CCDC66: variants seen among roughly 807,000 people sequenced by gnomAD.
CCDC66 encodes the protein coiled-coil domain containing 66, also known as coiled-coil domain-containing protein 66.
Under a neutral mutation model 128.3 loss-of-function variants are expected in CCDC66, and 133 were observed. The observed-to-expected ratio is 1.04, with a 90% CI of 0.90 to 1.20. CCDC66 has a LOEUF of 1.20. Ranked by LOEUF, CCDC66 falls within the 50% of genes most tolerant of loss-of-function variation. The pLI is 0.00. For synonymous variants in CCDC66, 387 were observed against 357.0 expected (o/e 1.08, Z -0.95); for missense variants, 1,126 against 1,075.5 (o/e 1.05, Z -0.66).
Position 56,563,700 on chromosome 3 carries a change from A to G in CCDC66, c.119A>G (p.Lys40Arg). 1 of 1,549,500 alleles carries G rather than the reference A, an allele frequency of 6.5e-7. No individual in the cohort carries two copies. The highest frequency in any genetic ancestry group is 2.4e-5 in the East Asian group (1 of 40,846). Residue 40 changes from lysine (K) to arginine (R), a missense_variant, in exon 4 of 18, where the codon AAG becomes AGG. Coordinates refer to ENST00000394672, the MANE Select transcript of CCDC66 (RefSeq NM_001141947.3). ...TTTTAACAGATGGGAAATAAGGCCA[A>G]GATTGCAAAATGTCCTTTAAGAACA... Reference protein sequence around the residue: ...KISVKMGNKAKIAKCPLRTKT... With the variant: ...KISVKMGNKARIAKCPLRTKT...
intron 6 of CCDC66, chr3:56,569,278 GA>G: frequency 3.5e-6 from 1 of 287,280 alleles, no homozygotes; most frequent in Non-Finnish European, 7.5e-6. Flanking sequence ...ACCTGAGACT[GA>G]ATAATTGATA....
In CCDC66 at chr3:56,618,337, C is replaced by T; in HGVS notation, c.2378+125C>T. The T allele has an allele frequency of 5.8e-6, 5 of 866,078 alleles. No individual in the cohort carries two copies. The Admixed American group carries it at 1.1e-4, about 19-fold the overall frequency. 53.6% of individuals were successfully genotyped at this position (866,078 alleles called of 1,614,324 possible). ...GAACAATCAGAAAGGGTGTGGCTTC[C>T]AGGTGAGGGTTAGAGGTTTAAGGGA... On this transcript the variant is annotated intron_variant, in intron 15 of 17. Transcript: ENST00000394672.
At position 56,578,465 on chromosome 3, in the gene CCDC66, G is replaced by C. The variant is rs1423672466; in HGVS notation, c.936+7163G>C. 2.6e-5 allele frequency among the ~76,000 whole-genome samples: 4 copies of C among 151,800 alleles called. 1 individual carries two copies. The Admixed American group carries it at 2.7e-4, about 10-fold the overall frequency. On this transcript the variant is annotated intron_variant, in intron 7 of 17. Transcript: ENST00000394672. Reference sequence around the variant, plus strand: ...ACTATGTTGAATAGGAGTGGAGAGAGAGGGCATCCTTGTTTTATGCCGTTT... The same window carrying C: ...ACTATGTTGAATAGGAGTGGAGAGACAGGGCATCCTTGTTTTATGCCGTTT...
intron 7 of CCDC66, 73 bp from the exon 8 acceptor site, chr3:56,592,897 G>A: frequency 1.3e-6 from 2 of 1,506,822 alleles, no homozygotes; most frequent in South Asian, 2.5e-5. Flanking sequence ...TGTTACTTTG[G>A]CAAGATTTGC....
At position 56,566,753 on chromosome 3, in the gene CCDC66, T is replaced by C; in HGVS notation, c.704T>C (p.Ile235Thr). Residue 235 changes from isoleucine to threonine, a missense_variant, in exon 5 of 18, where the codon ATT becomes ACT. Transcript: ENST00000394672. ...QETSKQCEQK[I>T]AIENEWKPAD... ...ACATCTAAACAGTGTGAGCAAAAAATTGCCATGTATGTAACTCCTATCTGT... is the reference window on the plus strand; with the variant it reads ...ACATCTAAACAGTGTGAGCAAAAAACTGCCATGTATGTAACTCCTATCTGT... 1 of 1,609,664 alleles carries C rather than the reference T, an allele frequency of 6.2e-7. No homozygotes were observed. Among genetic ancestry groups the C allele is most frequent in the Non-Finnish European group, 8.5e-7 (1 of 1,177,828 alleles).
At chr3:56,570,302 A>G (rs2066451783) in intron 6 of CCDC66, 2 of 152,210 alleles carry the variant, frequency 1.3e-5, no homozygotes, top group Admixed American at 6.5e-5. Context: ...AGTTTTGACT[A>G]TATCTCTCAG....
intron 7 of CCDC66, among the ~76,000 whole-genome samples, chr3:56,583,541 C>T (rs1444462796): frequency 2.6e-5 from 4 of 151,852 alleles, no homozygotes; most frequent in African/African-American, 4.8e-5. Flanking sequence ...TTTAACAAAG[C>T]ACGTCTTGCA....
At position 56,594,015 on chromosome 3, in the gene CCDC66, A is replaced by T. The variant is rs779992799; in HGVS notation, c.1391A>T (p.Gln464Leu). Residue 464 changes from glutamine to leucine, a missense_variant, in exon 10 of 18, where the codon CAA (glutamine) becomes CTA (leucine). Gln to Leu is a moderately radical substitution (Grantham distance 113). Transcript: ENST00000394672. ...IEERDRRRQK[Q>L]LEHQKAITAQ... The stretch of plus-strand genomic sequence containing the variant: ...GAACGAGACAGACGACGACAAAAAC[A>T]ATTAGAGCATCAGGTATTGCATTGT... 3.7e-6 allele frequency: 6 copies of T among 1,613,776 alleles called. No individual in the cohort carries two copies. The East Asian group carries it at 1.3e-4, about 36-fold the overall frequency.
intron 9 of CCDC66, 57 bp from the exon 10 acceptor site, chr3:56,593,887 A>G: frequency 6.3e-7 from 1 of 1,593,608 alleles, no homozygotes; most frequent in South Asian, 1.1e-5. Context: ...AAAATGATTT[A>G]GCTTGTTGAA....
chr3:56,617,549 TTTCA>T lies in CCDC66; in HGVS notation c.2287_2290del (p.Ser763LeufsTer9). 6.2e-7 allele frequency: 1 copy of T among 1,609,910 alleles called. No homozygotes were observed. The highest frequency in any genetic ancestry group is 8.5e-7 in the Non-Finnish European group (1 of 1,179,074). ...AAACAGAGGCATTTCACCAGAAATT[TTTCA>T]TTCATCTCATCAAGAAACGGAGTCA... On this transcript the variant is annotated frameshift_variant, in exon 14 of 18. Transcript: ENST00000394672. LOFTEE classifies it high-confidence loss of function.
At chr3:56,573,838 A>AGC (rs538348304) in intron 7 of CCDC66, among the ~76,000 whole-genome samples, 90 of 4,280 alleles carry the variant, frequency 0.021, 1 homozygote, top group Non-Finnish European at 0.039. Context: ...TCCTTGGCCA[A>AGC]GAGATCCATT....
chr3:56,593,812 C>A (rs1553692867), intron 9 of CCDC66, 71 bp downstream of exon 9: 1 of 1,587,064 alleles, frequency 6.3e-7, no homozygotes, highest in East Asian at 2.2e-5. Context: ...GTTGTTATGT[C>A]TAATTGGTTT....
intron 7 of CCDC66, among the ~76,000 whole-genome samples, chr3:56,583,100 C>G (rs186662646): frequency 6.6e-6 from 1 of 151,548 alleles, no homozygotes; most frequent in Non-Finnish European, 1.5e-5. Flanking sequence ...CTCCTGGGTT[C>G]AAGCAGTGCA....
chr3:56,574,664 G>C (rs145423463), intron 7 of CCDC66, among the ~76,000 whole-genome samples: 1 of 151,796 alleles, frequency 6.6e-6, no homozygotes, highest in Non-Finnish European at 1.5e-5. Flanking sequence ...ACTGACAATA[G>C]AACAAATGCT....
At chr3:56,569,673 C>T (rs1403344050) in intron 6 of CCDC66, 1 of 151,064 alleles carries the variant, frequency 6.6e-6, no homozygotes, top group Non-Finnish European at 1.5e-5. Flanking sequence ...CTTATGTTAG[C>T]AGTATCAGAA....
chr3:56,612,946 C>T (rs1331488109), intron 10 of CCDC66, among the ~76,000 whole-genome samples: 1 of 152,110 alleles, frequency 6.6e-6, no homozygotes, highest in Non-Finnish European at 1.5e-5. Flanking sequence ...CAGCAGAATG[C>T]TTAGGTTGGG....
intron 10 of CCDC66, among the ~76,000 whole-genome samples, chr3:56,600,831 T>C (rs1288407894): frequency 6.6e-6 from 1 of 152,110 alleles, no homozygotes; most frequent in Non-Finnish European, 1.5e-5. Flanking sequence ...ATGGGGTTGT[T>C]TTTTTCTTGT....
chr3:56,618,989 AG>A (rs1170068869), intron 15 of CCDC66: 1 of 251,662 alleles, frequency 4.0e-6, no homozygotes, highest in Non-Finnish European at 7.1e-6. Flanking sequence ...AGGCCGAGGC[AG>A]GTGGATCCAC....
At chr3:56,572,952 TG>T (rs2107878123) in intron 7 of CCDC66, 1 of 152,348 alleles carries the variant, frequency 6.6e-6, no homozygotes, top group South Asian at 2.1e-4. Flanking sequence ...ATTTTAAGTG[TG>T]TAAAGTTTAG....
Sources: allele counts gnomAD v4.1 joint callset (sites outside exome capture counted in the v4.1 genomes callset), GRCh38; gene constraint gnomAD v4.1.1; transcripts MANE v1.5; gene names NCBI Gene and HGNC (gene_info 2026-07-23, HGNC 2026-07-21).